IL6R: variants seen among roughly 807,000 people sequenced by gnomAD.
The protein encoded by IL6R is interleukin-6 receptor subunit alpha.
IL6R carries 38 observed loss-of-function variants against 48.3 expected under a neutral mutation model. The ratio of observed to expected loss-of-function variants is 0.79; its 90% CI spans 0.61 to 1.03. The LOEUF (loss-of-function observed/expected upper bound fraction) is 1.03, where lower values mean the gene tolerates loss of function less well. Among genes scored for constraint, IL6R ranks in the 50% least tolerant of loss-of-function variants. The pLI, the probability that IL6R is intolerant of heterozygous loss-of-function variation, is 0.00. For synonymous variants in IL6R, 264 were observed against 256.2 expected, an observed-to-expected ratio of 1.03 and a Z score of -0.29; for missense variants, 534 against 618.3, an observed-to-expected ratio of 0.86 and a Z score of 1.45.
At chr1:154,423,204 C>T (rs2149224454) in intron 1 of IL6R, among the ~76,000 whole-genome samples, 1 of 149,750 alleles carries the variant, frequency 6.7e-6, no homozygotes, top group African/African-American at 2.4e-5. Flanking sequence ...TGCCCTCTCC[C>T]TCCTTCCTAG....
At chr1:154,422,179 T>G (rs769946499) in intron 1 of IL6R, among the ~76,000 whole-genome samples, 1 of 149,346 alleles carries the variant, frequency 6.7e-6, no homozygotes, top group Non-Finnish European at 1.5e-5. Flanking sequence ...CGACCTCAGG[T>G]GATCTGCCCG....
At chr1:154,425,641 G>T (rs539455530) in intron 1 of IL6R, among the ~76,000 whole-genome samples, 1 of 151,698 alleles carries the variant, frequency 6.6e-6, no homozygotes, top group Admixed American at 6.6e-5. Context: ...AGTCATGGTA[G>T]CATGTACCTG....
chr1:154,410,251 G>A (rs1687946222), intron 1 of IL6R, among the ~76,000 whole-genome samples: 1 of 151,610 alleles, frequency 6.6e-6, no homozygotes, highest in South Asian at 2.1e-4. Flanking sequence ...CAAAGAAAAG[G>A]CCTTTTTTTT....
At chr1:154,424,078 C>A (rs1320528403) in intron 1 of IL6R, among the ~76,000 whole-genome samples, 1 of 152,230 alleles carries the variant, frequency 6.6e-6, no homozygotes, top group Non-Finnish European at 1.5e-5. Flanking sequence ...GAGTCTATTT[C>A]TTGCCTCAGC....
chr1:154,462,928 C>T (rs1441599350), intron 9 of IL6R, among the ~76,000 whole-genome samples: 2 of 152,214 alleles, frequency 1.3e-5, no homozygotes, highest in Admixed American at 6.5e-5. Context: ...CTGCGTCAGC[C>T]TCCCAAGTAG....
chr1:154,445,937 C>CT (rs1326215270), intron 6 of IL6R, among the ~76,000 whole-genome samples: 169 of 149,432 alleles, frequency 1.1e-3, no homozygotes, highest in East Asian at 4.3e-3. Flanking sequence ...TTGTTTTCTT[C>CT]TTTTTTTTTT....
At chr1:154,443,118 G>C (rs994953037) in intron 6 of IL6R, among the ~76,000 whole-genome samples, 1 of 152,146 alleles carries the variant, frequency 6.6e-6, no homozygotes, top group African/African-American at 2.4e-5. Context: ...GTATAAGGGG[G>C]TTATTCCTTG....
At chr1:154,423,259 A>AC in intron 1 of IL6R, among the ~76,000 whole-genome samples, 1 of 126,542 alleles carries the variant, frequency 7.9e-6, no homozygotes, top group Non-Finnish European at 1.6e-5. Context: ...TTGTTTAATT[A>AC]AATATATATA....
Position 154,450,046 on chromosome 1 carries a change from C to A in IL6R, c.1066+66C>A, listed in dbSNP as rs556575220. Reference sequence around the variant, plus strand: ...CAGAAGATTTGTCTCTGCAGAAAGTCCTTTCTTATTTGGACATGTCGTCAG... The same window carrying A: ...CAGAAGATTTGTCTCTGCAGAAAGTACTTTCTTATTTGGACATGTCGTCAG... On this transcript the variant is annotated intron_variant, in intron 8 of 9. Coordinates refer to ENST00000368485, the MANE Select transcript of IL6R (RefSeq NM_000565.4). 3.6e-5 allele frequency: 37 copies of A among 1,028,226 alleles called. No homozygotes were observed. The East Asian group carries it at 7.7e-4, about 21-fold the overall frequency. 63.7% of individuals were successfully genotyped at this position (1,028,226 alleles called of 1,614,324 possible).
Position 154,447,556 on chromosome 1 carries a change from C to CAT in IL6R, c.950-557_950-556dup, listed in dbSNP as rs778246283. 1.6e-4 allele frequency among the ~76,000 whole-genome samples: 22 copies of CAT among 135,676 alleles called. 1 individual carries two copies. The East Asian group carries it at 2.2e-3, about 14-fold the overall frequency. 89.0% of individuals were successfully genotyped at this position (135,676 alleles called of 152,430 possible). ...ACACATACATATATATACACATACA[C>CAT]ATATATATATATACACATACATATA... On this transcript the variant is annotated intron_variant, in intron 6 of 9. Transcript: ENST00000368485.
At chr1:154,455,450 CTTTTCT>C (rs1557779143) in intron 9 of IL6R, among the ~76,000 whole-genome samples, 1 of 142,950 alleles carries the variant, frequency 7.0e-6, no homozygotes, top group African/African-American at 2.7e-5. Flanking sequence ...TCTTTCTTTT[CTTTTCT>C]TTTTTTTTTT....
At position 154,449,996 on chromosome 1, in the gene IL6R, T is replaced by C; in HGVS notation, c.1066+16T>C. On this transcript the variant is annotated intron_variant, in intron 8 of 9. Transcript: ENST00000368485. ...AGCCTCCCAGGTAAGGACTGGGTAT[T>C]TTCATATTCCCAGGGTCCGAGGGAC... is the stretch of plus-strand genomic sequence containing the variant. The C allele has an allele frequency of 6.6e-7, 1 of 1,523,998 alleles. No homozygotes were observed. The highest frequency in any genetic ancestry group is 1.4e-5 in the African/African-American group (1 of 73,220). 94.4% of individuals were successfully genotyped at this position (1,523,998 alleles called of 1,614,324 possible).
chr1:154,467,762 A>T lies in IL6R; in HGVS notation c.*2382A>T, dbSNP rs1691624189. 1 of 152,218 alleles carries T rather than the reference A, an allele frequency of 6.6e-6. No individual in the cohort carries two copies. Among genetic ancestry groups the T allele is most frequent in the Non-Finnish European group, 1.5e-5 (1 of 68,046 alleles). The allele number at this position is 152,218 out of a possible 1,614,324, so 9.4% of individuals were successfully genotyped here. A position where few individuals can be genotyped will look rare whatever the true frequency, so the allele number is the denominator to read the frequency against. ...TTATGAACAATAACAGTTAAGAAAA[A>T]AAAAGGCAGGCAGGCGGTTATGGTG... On this transcript the variant is annotated 3_prime_UTR_variant, in exon 10 of 10. Coordinates refer to ENST00000368485, the MANE Select transcript of IL6R (RefSeq NM_000565.4).
chr1:154,464,917 G>A (rs1330812158), intron 9 of IL6R, among the ~76,000 whole-genome samples: 2 of 152,132 alleles, frequency 1.3e-5, no homozygotes, highest in Admixed American at 6.5e-5. Flanking sequence ...CTGAGATCAC[G>A]CCATAGCACT....
At chr1:154,407,552 C>T (rs927171622) in intron 1 of IL6R, among the ~76,000 whole-genome samples, 2 of 152,156 alleles carry the variant, frequency 1.3e-5, no homozygotes, top group Non-Finnish European at 2.9e-5. Context: ...CCCACACAGA[C>T]TCAGCCCACA....
At chr1:154,433,301 A>G (rs1689413471) in intron 3 of IL6R, among the ~76,000 whole-genome samples, 1 of 152,192 alleles carries the variant, frequency 6.6e-6, no homozygotes, top group Non-Finnish European at 1.5e-5. Flanking sequence ...GTGGCCTCAC[A>G]TGCCCACATG....
intron 9 of IL6R, among the ~76,000 whole-genome samples, chr1:154,464,084 T>C (rs563050004): frequency 6.6e-6 from 1 of 152,196 alleles, no homozygotes; most frequent in Non-Finnish European, 1.5e-5. Context: ...CCTGCCAGCC[T>C]TACTTTGACC....
At chr1:154,428,903 C>T (rs370557710) in intron 1 of IL6R, among the ~76,000 whole-genome samples, 1 of 152,240 alleles carries the variant, frequency 6.6e-6, no homozygotes, top group South Asian at 2.1e-4. Flanking sequence ...CTGCAGGCCA[C>T]GCTGAGGAGC....
chr1:154,444,275 C>T (rs1056490889), intron 6 of IL6R, among the ~76,000 whole-genome samples: 1 of 145,900 alleles, frequency 6.9e-6, no homozygotes, highest in South Asian at 2.1e-4. Context: ...ATGGCGTGAT[C>T]TCAGCTCACC....
Sources: gnomAD v4.1 joint callset for allele counts (sites outside exome capture counted in the v4.1 genomes callset) on GRCh38, gnomAD v4.1.1 for gene constraint, MANE v1.5 for transcripts, NCBI Gene and HGNC (gene_info 2026-07-23, HGNC 2026-07-21) for gene names.